Variants in RUFY1 observed in about 807,000 individuals in gnomAD.
The protein encoded by RUFY1 is RUN and FYVE domain containing 1.
Under a neutral mutation model 94.6 loss-of-function variants are expected in RUFY1, and 54 were observed. The observed-to-expected ratio is 0.57, with a 90% confidence interval of 0.46 to 0.72. RUFY1 has a LOEUF of 0.72. Among genes scored for constraint, RUFY1 ranks in the 30% least tolerant of loss-of-function variants. The pLI is 0.00. For missense variants in RUFY1, 883 were observed against 883.9 expected (o/e 1.00, Z 0.01); for synonymous variants, 396 against 347.3 (o/e 1.14, Z -1.56).
chr5:179,607,721 T>C (rs1767255237), intron 17 of RUFY1, 62 bp downstream of exon 17: 2 of 1,426,466 alleles, frequency 1.4e-6, no homozygotes, highest in Admixed American at 1.7e-5. Flanking sequence ...GATTCCCCTT[T>C]CTCTGGTTCC....
chr5:179,602,143 C>T, intron 15 of RUFY1, 157 bp downstream of exon 15: 2 of 630,472 alleles, frequency 3.2e-6, no homozygotes, highest in South Asian at 3.7e-5. Flanking sequence ...AGCCCGGCCT[C>T]AGAGGGGCCC....
intron 15 of RUFY1, among the ~76,000 whole-genome samples, chr5:179,605,553 G>A (rs958391941): frequency 1.3e-5 from 2 of 152,184 alleles, no homozygotes; most frequent in Non-Finnish European, 2.9e-5. Context: ...GTGCAGAACA[G>A]GGCCAGGTCT....
chr5:179,559,858 G>C lies in RUFY1; in HGVS notation c.311-167G>C, dbSNP rs941846383. ...CAGGTAGGGGGCTGTGGCCTCTAGG[G>C]ATCAGGGACTACTTACCTGCGAATC... On this transcript the variant is annotated intron_variant, in intron 1 of 17. Coordinates refer to ENST00000319449, the MANE Select transcript of RUFY1 (RefSeq NM_025158.5). 4.2e-6 allele frequency: 6 copies of C among 1,413,826 alleles called. No homozygotes were observed. The African/African-American group carries it at 8.7e-5, about 20-fold the overall frequency. The allele number at this position is 1,413,826 out of a possible 1,614,324, so 87.6% of individuals were successfully genotyped here. A position where few individuals can be genotyped will look rare whatever the true frequency, so the allele number is the denominator to read the frequency against.
chr5:179,586,924 G>T lies in RUFY1; in HGVS notation c.1026+1059G>T, dbSNP rs561758826. On this transcript the variant is annotated intron_variant, in intron 8 of 17. Coordinates refer to ENST00000319449, the MANE Select transcript of RUFY1 (RefSeq NM_025158.5). ...GACGAATATCTGGTAAATGTGCTCA[G>T]GACAACACTTGCCACGTGGGAGCAC... 2.0e-5 allele frequency among the ~76,000 whole-genome samples: 3 copies of T among 152,318 alleles called. No homozygotes were observed. In the South Asian group the frequency reaches 6.2e-4, roughly 32 times the overall value.
At position 179,609,342 on chromosome 5, in the gene RUFY1, G is replaced by C. The variant is rs376704432; in HGVS notation, c.1984-34G>C. On this transcript the variant is annotated intron_variant, in intron 17 of 17. Coordinates refer to ENST00000319449, the MANE Select transcript of RUFY1 (RefSeq NM_025158.5). ...AGGGTGTGCGGATGGCTTTTCCCCG[G>C]GTGTCCTGTGACCGCCTTCTTCCCG... The C allele has an allele frequency of 9.3e-6, 15 of 1,605,606 alleles. No homozygotes were observed. In the East Asian group the frequency reaches 1.3e-4, roughly 14 times the overall value.
intron 6 of RUFY1, among the ~76,000 whole-genome samples, chr5:179,580,162 G>A (rs1359544260): frequency 4.6e-5 from 7 of 151,876 alleles, no homozygotes; most frequent in Non-Finnish European, 8.8e-5. Context: ...GTATGATGCT[G>A]AGGAGTACAT....
intron 7 of RUFY1, among the ~76,000 whole-genome samples, chr5:179,583,175 A>G (rs545188992): frequency 1.5e-3 from 229 of 151,338 alleles, no homozygotes; most frequent in African/African-American, 5.3e-3. Flanking sequence ...GGTGGCGGGC[A>G]TCTGTAGTCC....
intron 6 of RUFY1, among the ~76,000 whole-genome samples, chr5:179,580,549 T>TTTG (rs1004879456): frequency 7.4e-6 from 1 of 135,908 alleles, no homozygotes; most frequent in Non-Finnish European, 1.6e-5. Flanking sequence ...GCCAGTTTTT[T>TTTG]TTGTTTTTTT....
chr5:179,592,833 A>T (rs1765227011), intron 10 of RUFY1, among the ~76,000 whole-genome samples: 1 of 152,198 alleles, frequency 6.6e-6, no homozygotes, highest in East Asian at 1.9e-4. Flanking sequence ...ACATTGCACT[A>T]TCAGATCTCT....
chr5:179,574,882 TTCTTTCTCA>T (rs1159472828), intron 5 of RUFY1, among the ~76,000 whole-genome samples: 1 of 152,126 alleles, frequency 6.6e-6, no homozygotes, highest in Non-Finnish European at 1.5e-5. Context: ...TGGGTATTAA[TTCTTTCTCA>T]TCTTTCTGTT....
intron 1 of RUFY1, among the ~76,000 whole-genome samples, chr5:179,555,475 G>GGT (rs1762064435): frequency 1.3e-5 from 2 of 152,014 alleles, no homozygotes; most frequent in Admixed American, 6.6e-5. Context: ...AGTGCTAATG[G>GGT]GTACAGGTAA....
chr5:179,603,983 G>C (rs893111244), intron 15 of RUFY1, among the ~76,000 whole-genome samples: 3 of 152,204 alleles, frequency 2.0e-5, no homozygotes, highest in Admixed American at 1.3e-4. Flanking sequence ...CTTGAACCTG[G>C]GAGGCGGAGG....
intron 12 of RUFY1, 105 bp downstream of exon 12, chr5:179,595,068 C>A: frequency 1.3e-6 from 1 of 799,154 alleles, no homozygotes; most frequent in Non-Finnish European, 2.1e-6. Context: ...AGAGGCTGGG[C>A]GCGGTGGCTC....
intron 1 of RUFY1, among the ~76,000 whole-genome samples, chr5:179,558,694 C>G (rs145286893): frequency 6.6e-6 from 1 of 152,134 alleles, no homozygotes; most frequent in Admixed American, 6.6e-5. Context: ...TCTCCCCCTA[C>G]CTTCTTGGGT....
At chr5:179,582,300 C>T (rs1291459214) in intron 7 of RUFY1, among the ~76,000 whole-genome samples, 1 of 152,064 alleles carries the variant, frequency 6.6e-6, no homozygotes, top group Non-Finnish European at 1.5e-5. Flanking sequence ...TCGTGGCTCA[C>T]TGCAGCCTCC....
intron 15 of RUFY1, among the ~76,000 whole-genome samples, chr5:179,603,913 C>T (rs985085632): frequency 3.3e-5 from 5 of 152,034 alleles, no homozygotes; most frequent in Non-Finnish European, 7.4e-5. Flanking sequence ...TAAAATTAGC[C>T]GGGCATGGTG....
chr5:179,551,860 A>G (rs911936664), intron 1 of RUFY1, among the ~76,000 whole-genome samples: 1 of 150,370 alleles, frequency 6.7e-6, no homozygotes, highest in African/African-American at 2.4e-5. Context: ...GTACTTTTAA[A>G]TTGAATTAAA....
chr5:179,553,506 G>A (rs200348258), intron 1 of RUFY1, among the ~76,000 whole-genome samples: 11 of 152,108 alleles, frequency 7.2e-5, no homozygotes, highest in East Asian at 3.8e-4. Context: ...AAACTAGGCC[G>A]GGCATGGTGG....
chr5:179,580,602 G>C (rs898957040), intron 6 of RUFY1, among the ~76,000 whole-genome samples: 2 of 151,100 alleles, frequency 1.3e-5, no homozygotes, highest in African/African-American at 2.4e-5. Flanking sequence ...GATGAGCTTC[G>C]TGTTTTGAAA....
Sources: allele counts gnomAD v4.1 joint callset (sites outside exome capture counted in the v4.1 genomes callset), GRCh38; gene constraint gnomAD v4.1.1; transcripts MANE v1.5; gene names NCBI Gene and HGNC (gene_info 2026-07-23, HGNC 2026-07-21).